The following MOG variants were observed in gnomAD, a reference collection of about 807,000 sequenced individuals.
MOG encodes myelin-oligodendrocyte glycoprotein.
MOG carries 20 observed loss-of-function variants against 35.9 expected under a neutral mutation model. The observed-to-expected ratio is 0.56, with a 90% CI of 0.39 to 0.81. The LOEUF (loss-of-function observed/expected upper bound fraction) is 0.81. MOG is among the 30% of genes least tolerant of loss of function. The probability of loss-of-function intolerance (pLI) is 0.00; values close to 1 mark genes in which losing one functional copy is unlikely to be tolerated. For missense variants in MOG, 251 were observed against 301.0 expected (o/e 0.83, Z 1.23); for synonymous variants, 92 against 114.3 (o/e 0.80, Z 1.25).
Position 29,670,354 on chromosome 6 carries a change from T to G in MOG, c.666T>G (p.Val222=). The G allele has an allele frequency of 1.9e-6, 3 of 1,614,196 alleles. No individual in the cohort carries two copies. Among genetic ancestry groups the G allele is most frequent in the Non-Finnish European group, 2.5e-6 (3 of 1,180,026 alleles). The part of the protein sequence containing the change: ...FVIVPVLGPL[V]ALIICYNWLH... ...TTGTGCCGGTTCTTGGACCCTTGGTTGCCTTGATCATCTGCTACAACTGGC... is the reference window on the plus strand; with the variant it reads ...TTGTGCCGGTTCTTGGACCCTTGGTGGCCTTGATCATCTGCTACAACTGGC... The change falls in exon 6 of 8, where the codon GTT becomes GTG. Residue 222 remains valine (V), a synonymous_variant. Transcript: ENST00000376917. This position sits in a 1 kb window ranked among gnomAD's most constrained non-coding sequence, Gnocchi z 4.2.
chr6:29,663,285 G>GC (rs1303022611), intron 2 of MOG, among the ~76,000 whole-genome samples: 1 of 104,292 alleles, frequency 9.6e-6, no homozygotes, highest in Non-Finnish European at 2.1e-5. Flanking sequence ...AAAAAAAAAA[G>GC]CCCCCCCTCC....
Position 29,657,140 on chromosome 6 carries a change from C to A in MOG, c.-70C>A. ...CTTGGGCTTTTCAGCAGTAAGGGGA[C>A]ATGCACCCCAAGGGCCTCCACTTGG... On this transcript the variant is annotated 5_prime_UTR_variant, in exon 1 of 8. Coordinates refer to ENST00000376917, the MANE Select transcript of MOG (RefSeq NM_206809.4). 1 of 1,112,850 alleles carries A rather than the reference C, an allele frequency of 9.0e-7. No homozygotes were observed. The highest frequency in any genetic ancestry group is 1.4e-6 in the Non-Finnish European group (1 of 727,138). 68.9% of individuals were successfully genotyped at this position (1,112,850 alleles called of 1,614,324 possible). A position where few individuals can be genotyped will look rare whatever the true frequency, so the allele number is the denominator to read the frequency against.
At position 29,659,482 on chromosome 6, in the gene MOG, G is replaced by A. The variant is rs973489773; in HGVS notation, c.252G>A (p.Lys84=). Residue 84 remains lysine, a synonymous_variant, in exon 2 of 8, where the codon AAG becomes AAA. Transcript: ENST00000376917. ...SRVVHLYRNG[K]DQDGDQAPEY... The stretch of plus-strand genomic sequence containing the variant: ...TGGTTCATCTCTACAGAAATGGCAA[G>A]GACCAAGATGGAGACCAGGCACCTG... 3 of 1,612,976 alleles carry A rather than the reference G, an allele frequency of 1.9e-6. No individual in the cohort carries two copies. Among genetic ancestry groups the A allele is most frequent in the African/African-American group, 2.7e-5 (2 of 74,920 alleles).
chr6:29,668,582 C>T (rs928312062), intron 5 of MOG, among the ~76,000 whole-genome samples: 1 of 152,210 alleles, frequency 6.6e-6, no homozygotes, highest in African/African-American at 2.4e-5. Flanking sequence ...TTCACAGCTC[C>T]TCCTCCCGAG....
chr6:29,659,248 C>T, intron 1 of MOG, 71 bp from the exon 2 acceptor site: 1 of 1,441,884 alleles, frequency 6.9e-7, no homozygotes, highest in Non-Finnish European at 9.8e-7. Flanking sequence ...TGAAGCAGCC[C>T]TTCTCATGAC....
At chr6:29,665,734 T>TAGGAAGTCAGGGTA (rs1413103540) in intron 2 of MOG, among the ~76,000 whole-genome samples, 1 of 150,366 alleles carries the variant, frequency 6.7e-6, no homozygotes, top group Admixed American at 6.6e-5. Context: ...GAACTACATA[T>TAGGAAGTCAGGGTA]TTGAAATACA....
intron 4 of MOG, 67 bp downstream of exon 4, chr6:29,667,730 C>T (rs1770529782): frequency 2.5e-6 from 4 of 1,586,204 alleles, no homozygotes; most frequent in East Asian, 4.5e-5. Context: ...GAAATGGTCC[C>T]GTTCTTGGAC....
At chr6:29,668,000 G>A in intron 5 of MOG, 76 bp downstream of exon 5, 1 of 1,436,702 alleles carries the variant, frequency 7.0e-7, no homozygotes, top group East Asian at 2.3e-5. Context: ...GGGGGAACAA[G>A]GACCCCTGGC....
chr6:29,658,716 A>C (rs1583080407), intron 1 of MOG, among the ~76,000 whole-genome samples: 1 of 152,206 alleles, frequency 6.6e-6, no homozygotes, highest in Non-Finnish European at 1.5e-5. Context: ...CAGCTGGCAA[A>C]AAGATGGGCA....
At chr6:29,657,449 C>T (rs540103172) in intron 1 of MOG, 152 bp downstream of exon 1, 8 of 684,176 alleles carry the variant, frequency 1.2e-5, no homozygotes, top group Admixed American at 4.6e-5. Context: ...AGAAACCTTC[C>T]GTGGGTGGTT....
chr6:29,657,835 G>A (rs985212233), intron 1 of MOG, among the ~76,000 whole-genome samples: 7 of 151,818 alleles, frequency 4.6e-5, no homozygotes, highest in African/African-American at 1.7e-4. Flanking sequence ...AGTAGAGATG[G>A]GGTTTCACCA....
At chr6:29,671,055 C>T (rs548076827) in intron 7 of MOG, 117 bp from the exon 8 acceptor site, 1 of 1,612,164 alleles carries the variant, frequency 6.2e-7, no homozygotes, top group Admixed American at 1.7e-5. Flanking sequence ...TCAGATCAAC[C>T]ATTGAGGCAG....
intron 3 of MOG, among the ~76,000 whole-genome samples, 171 bp from the exon 4 acceptor site, chr6:29,667,472 G>A (rs775447852): frequency 2.6e-5 from 4 of 152,106 alleles, no homozygotes; most frequent in Non-Finnish European, 5.9e-5. Context: ...TATAGCTAGA[G>A]AAAGAGCCGC....
intron 2 of MOG, chr6:29,663,993 T>C (rs750022956): frequency 5.8e-6 from 4 of 691,964 alleles, no homozygotes; most frequent in African/African-American, 3.9e-5. Flanking sequence ...GAGATCAAGA[T>C]GAAAAGGGCT....
chr6:29,667,193 G>T (rs2535247), intron 3 of MOG, among the ~76,000 whole-genome samples: 1 of 151,988 alleles, frequency 6.6e-6, no homozygotes, highest in African/African-American at 2.4e-5. Flanking sequence ...AACATCCTTC[G>T]TCCTAAATTG....
At chr6:29,661,562 T>C in intron 2 of MOG, 2 of 984,538 alleles carry the variant, frequency 2.0e-6, no homozygotes, top group Non-Finnish European at 2.4e-6. Flanking sequence ...GGCTCACACC[T>C]ATAATCCCAA....
intron 1 of MOG, among the ~76,000 whole-genome samples, chr6:29,657,663 C>CTTTTTTTTTTTTTTTTTTT (rs9278226): frequency 9.1e-6 from 1 of 110,048 alleles, no homozygotes. Flanking sequence ...TTTTTCTTTT[C>CTTTTTTTTTTTTTTTTTTT]TTTTTTTTTT....
At chr6:29,658,838 G>A (rs1212883926) in intron 1 of MOG, among the ~76,000 whole-genome samples, 1 of 152,222 alleles carries the variant, frequency 6.6e-6, no homozygotes, top group African/African-American at 2.4e-5. Context: ...TTGAGGCCGG[G>A]TGTGGTGGTT....
In MOG at chr6:29,670,244, C is replaced by A. The variant is rs369994577; in HGVS notation, c.593-37C>A. On this transcript the variant is annotated intron_variant, in intron 5 of 7. Transcript: ENST00000376917. This position sits in a 1 kb window ranked among gnomAD's most constrained non-coding sequence, Gnocchi z 4.2. ...CAGGTGGGTGGGGCATGAGGGGGAACACATGTTAACCCTGTTTGTTCTGGT... is the reference window on the plus strand; with the variant it reads ...CAGGTGGGTGGGGCATGAGGGGGAAAACATGTTAACCCTGTTTGTTCTGGT... The A allele has an allele frequency of 5.3e-5, 85 of 1,614,174 alleles. 1 individual carries two copies. The highest frequency in any genetic ancestry group is 7.2e-5 in the Non-Finnish European group (85 of 1,180,044).
Sources: allele counts gnomAD v4.1 joint callset (sites outside exome capture counted in the v4.1 genomes callset), GRCh38; gene constraint gnomAD v4.1.1; non-coding constraint Gnocchi (gnomAD v3.1); transcripts MANE v1.5; gene names NCBI Gene and HGNC (gene_info 2026-07-23, HGNC 2026-07-21).